ENTREP2: variants seen among roughly 807,000 people sequenced by gnomAD.
The protein encoded by ENTREP2 is endosomal transmembrane epsin interactor 2, also known as protein ENTREP2.
chr15:29,578,673 T>C, the ENTREP2 span, among the ~76,000 whole-genome samples: 1 of 152,236 alleles, frequency 6.6e-6, no homozygotes, highest in Non-Finnish European at 1.5e-5. Context: ...TTATGAATGC[T>C]GGCCTTATTC....
At chr15:29,624,469 T>G in the ENTREP2 span, among the ~76,000 whole-genome samples, 2 of 152,174 alleles carry the variant, frequency 1.3e-5, no homozygotes, top group East Asian at 1.9e-4. Flanking sequence ...GCAATATGTC[T>G]CCATCTGATC....
the ENTREP2 span, among the ~76,000 whole-genome samples, chr15:29,479,910 G>A: frequency 2.0e-5 from 3 of 152,116 alleles, no homozygotes; most frequent in Non-Finnish European, 4.4e-5. Context: ...ACAGAGAGAG[G>A]AGAACAGAGC....
At chr15:29,500,118 A>C in the ENTREP2 span, among the ~76,000 whole-genome samples, 1 of 152,336 alleles carries the variant, frequency 6.6e-6, no homozygotes, top group South Asian at 2.1e-4. Flanking sequence ...AATTGACAGA[A>C]TTGAAATACA....
chr15:29,283,761 A>T, the ENTREP2 span, among the ~76,000 whole-genome samples: 13 of 152,350 alleles, frequency 8.5e-5, no homozygotes, highest in Middle Eastern at 6.8e-3. Flanking sequence ...ATGAGAATTC[A>T]TAAGGAGATA....
chr15:29,627,820 CCTT>C, the ENTREP2 span, among the ~76,000 whole-genome samples: 1 of 152,090 alleles, frequency 6.6e-6, no homozygotes, highest in Non-Finnish European at 1.5e-5. Context: ...GTCAAAATTT[CCTT>C]CTTTTTTAAG....
the ENTREP2 span, among the ~76,000 whole-genome samples, chr15:29,656,361 G>A: frequency 6.6e-6 from 1 of 152,018 alleles, no homozygotes; most frequent in East Asian, 1.9e-4. Flanking sequence ...GAGTAGCTGG[G>A]ACTACAGACA....
chr15:29,563,534 T>G, the ENTREP2 span, among the ~76,000 whole-genome samples: 1 of 152,212 alleles, frequency 6.6e-6, no homozygotes, highest in Non-Finnish European at 1.5e-5. Context: ...TTGTAGTTTT[T>G]ACAATTTCTG....
At chr15:29,656,835 TCTCA>T in the ENTREP2 span, among the ~76,000 whole-genome samples, 1 of 152,192 alleles carries the variant, frequency 6.6e-6, no homozygotes, top group Admixed American at 6.5e-5. Flanking sequence ...GACCCTCTAA[TCTCA>T]CTGCTAGGTA....
At chr15:29,527,217 C>T in the ENTREP2 span, among the ~76,000 whole-genome samples, 3 of 152,174 alleles carry the variant, frequency 2.0e-5, no homozygotes, top group African/African-American at 7.2e-5. Context: ...CTGCCTGCAT[C>T]CAATGCCATC....
At chr15:29,164,694 C>A in the ENTREP2 span, among the ~76,000 whole-genome samples, 1 of 152,046 alleles carries the variant, frequency 6.6e-6, no homozygotes, top group Non-Finnish European at 1.5e-5. Flanking sequence ...TACTAATAGA[C>A]CTAAGAAATG....
the ENTREP2 span, among the ~76,000 whole-genome samples, chr15:29,229,445 T>C: frequency 2.0e-5 from 3 of 152,186 alleles, no homozygotes; most frequent in African/African-American, 7.2e-5. Flanking sequence ...CAATTCTTAA[T>C]TGAGCTTATG....
the ENTREP2 span, among the ~76,000 whole-genome samples, chr15:29,150,930 A>G: frequency 6.6e-6 from 1 of 152,154 alleles, no homozygotes; most frequent in Non-Finnish European, 1.5e-5. Flanking sequence ...AGGCAGAAAG[A>G]CACACACAGA....
At chr15:29,643,865 A>G in the ENTREP2 span, among the ~76,000 whole-genome samples, 1 of 152,114 alleles carries the variant, frequency 6.6e-6, no homozygotes, top group African/African-American at 2.4e-5. Context: ...GTAAATTGGT[A>G]CAGTCACTTT....
the ENTREP2 span, among the ~76,000 whole-genome samples, chr15:29,185,756 T>C: frequency 4.6e-5 from 7 of 151,614 alleles, no homozygotes; most frequent in African/African-American, 1.7e-4. Flanking sequence ...GAGACAGGGT[T>C]TTGCCGTGTT....
the ENTREP2 span, among the ~76,000 whole-genome samples, chr15:29,214,342 T>C: frequency 6.6e-6 from 1 of 152,132 alleles, no homozygotes; most frequent in Non-Finnish European, 1.5e-5. Context: ...ATATACACCA[T>C]GCAATACTAT....
chr15:29,640,867 C>A, the ENTREP2 span, among the ~76,000 whole-genome samples: 1 of 152,102 alleles, frequency 6.6e-6, no homozygotes, highest in Non-Finnish European at 1.5e-5. Context: ...ACAAAGATAT[C>A]ACAAGAAGAG....
At chr15:29,558,374 T>C in the ENTREP2 span, among the ~76,000 whole-genome samples, 7 of 151,826 alleles carry the variant, frequency 4.6e-5, no homozygotes, top group African/African-American at 1.2e-4. Context: ...TGATGCTACA[T>C]GGACTTCCAA....
At chr15:29,664,160 T>A in the ENTREP2 span, among the ~76,000 whole-genome samples, 1 of 152,206 alleles carries the variant, frequency 6.6e-6, no homozygotes, top group Admixed American at 6.5e-5. Flanking sequence ...AGTGCCTCAT[T>A]TTCTCAATGC....
At chr15:29,603,608 T>C in the ENTREP2 span, among the ~76,000 whole-genome samples, 1 of 152,112 alleles carries the variant, frequency 6.6e-6, no homozygotes, top group East Asian at 1.9e-4. Context: ...AAAAATGGTG[T>C]GAAACTCCAA....
Sources: gnomAD v4.1 joint callset for allele counts (sites outside exome capture counted in the v4.1 genomes callset) on GRCh38, gnomAD v4.1.1 for gene constraint, MANE v1.5 for transcripts, NCBI Gene and HGNC (gene_info 2026-07-23, HGNC 2026-07-21) for gene names.